The following ACSM2A variants were observed in gnomAD, a reference collection of about 807,000 sequenced individuals.
ACSM2A encodes acyl-coenzyme A synthetase ACSM2A, mitochondrial.
Under a neutral mutation model 76.6 loss-of-function variants are expected in ACSM2A, and 72 were observed. That is an observed-to-expected ratio of 0.94 (90% confidence interval 0.78 to 1.14). The LOEUF (loss-of-function observed/expected upper bound fraction) is 1.14, where lower values mean the gene tolerates loss of function less well. Among genes scored for constraint, ACSM2A ranks in the 50% most tolerant of loss-of-function variants. The probability of loss-of-function intolerance (pLI) is 0.00; values close to 1 mark genes in which losing one functional copy is unlikely to be tolerated. For synonymous variants in ACSM2A, 249 were observed against 255.9 expected (o/e 0.97, Z 0.26); for missense variants, 684 against 708.5 (o/e 0.97, Z 0.39).
At chr16:20,467,814 A>G (rs2013105549) in intron 3 of ACSM2A, among the ~76,000 whole-genome samples, 1 of 152,152 alleles carries the variant, frequency 6.6e-6, no homozygotes, top group African/African-American at 2.4e-5. Context: ...GGAGACAGAA[A>G]TTTGAGAATC....
chr16:20,471,206 A>T lies in ACSM2A; in HGVS notation c.730A>T (p.Met244Leu). ...CTCGAGCCTGGGCCTCAAGGCCAAG[A>T]TGGATGCTGGGTAAGCTGAGCTCTT... ...SYSSLGLKAK[M>L]DAGWTGLQAS... The change falls in exon 5 of 14, where the codon ATG becomes TTG. Residue 244 changes from methionine to leucine, a missense_variant. Physicochemically the swap from Met to Leu is conservative, Grantham distance 15 (BLOSUM62 2). Transcript: ENST00000573854. 1 of 1,610,146 alleles carries T rather than the reference A, an allele frequency of 6.2e-7. No individual in the cohort carries two copies. The highest frequency in any genetic ancestry group is 8.5e-7 in the Non-Finnish European group (1 of 1,177,502).
At chr16:20,474,430 C>T (rs925432376) in intron 6 of ACSM2A, among the ~76,000 whole-genome samples, 3 of 152,082 alleles carry the variant, frequency 2.0e-5, no homozygotes, top group East Asian at 1.9e-4. Flanking sequence ...TGTGATGCCC[C>T]GACCCTCCTT....
intron 10 of ACSM2A, among the ~76,000 whole-genome samples, chr16:20,479,225 G>C (rs1284393270): frequency 1.3e-5 from 2 of 151,902 alleles, no homozygotes; most frequent in Non-Finnish European, 2.9e-5. Flanking sequence ...ATTAGAAAGT[G>C]GACAGAGAAG....
intron 2 of ACSM2A, among the ~76,000 whole-genome samples, chr16:20,464,397 G>T (rs1177775487): frequency 1.3e-5 from 2 of 152,162 alleles, no homozygotes; most frequent in Non-Finnish European, 2.9e-5. Flanking sequence ...TTGGCCCAAA[G>T]TTCTGCACAG....
intron 2 of ACSM2A, 65 bp from the exon 3 acceptor site, chr16:20,465,452 T>G: frequency 6.3e-7 from 1 of 1,576,686 alleles, no homozygotes; most frequent in Non-Finnish European, 8.6e-7. Context: ...ATCCCAAGAC[T>G]TGGAATTTAT....
At chr16:20,471,792 C>G (rs1426290517) in intron 6 of ACSM2A, 103 bp downstream of exon 6, 1 of 1,536,432 alleles carries the variant, frequency 6.5e-7, no homozygotes, top group Non-Finnish European at 8.8e-7. Context: ...TTTGCTAAAC[C>G]CCTGCCATGT....
In ACSM2A at chr16:20,477,151, T is replaced by C; in HGVS notation, c.1099-218T>C. Reference sequence around the variant, plus strand: ...ATTGTTAGGTCCTCTTCCTGGGGAGTGGTAGATGGGTTGCTTCCTGAACTA... The same window carrying C: ...ATTGTTAGGTCCTCTTCCTGGGGAGCGGTAGATGGGTTGCTTCCTGAACTA... On this transcript the variant is annotated intron_variant, in intron 8 of 13. Coordinates refer to ENST00000573854, the MANE Select transcript of ACSM2A (RefSeq NM_001308172.2). 6 of 691,552 alleles carry C rather than the reference T, an allele frequency of 8.7e-6. No homozygotes were observed. In the South Asian group the frequency reaches 2.4e-4, roughly 27 times the overall value. 42.8% of individuals were successfully genotyped at this position (691,552 alleles called of 1,614,324 possible).
At chr16:20,486,466 G>A (rs2014387439) in intron 13 of ACSM2A, 108 bp from the exon 14 acceptor site, 1 of 1,246,824 alleles carries the variant, frequency 8.0e-7, no homozygotes, top group Non-Finnish European at 1.2e-6. Flanking sequence ...CAGCTGCCCT[G>A]AAGTGGCTCC....
chr16:20,468,018 G>T (rs2013120318), intron 3 of ACSM2A, among the ~76,000 whole-genome samples: 2 of 152,056 alleles, frequency 1.3e-5, no homozygotes, highest in Admixed American at 1.3e-4. Flanking sequence ...TAAAGAGAAA[G>T]ACATGAATGC....
At chr16:20,458,074 A>C (rs2012302123) in intron 1 of ACSM2A, among the ~76,000 whole-genome samples, 1 of 148,466 alleles carries the variant, frequency 6.7e-6, no homozygotes, top group African/African-American at 2.5e-5. Flanking sequence ...TAATAGCTGC[A>C]AAAAAAAAAT....
chr16:20,483,427 C>A (rs112576998), intron 13 of ACSM2A, among the ~76,000 whole-genome samples: 1 of 151,162 alleles, frequency 6.6e-6, no homozygotes, highest in African/African-American at 2.4e-5. Context: ...AAAATTAGCC[C>A]GGTGTAGTGG....
chr16:20,457,874 C>T (rs1044184814), intron 1 of ACSM2A, among the ~76,000 whole-genome samples: 1 of 152,088 alleles, frequency 6.6e-6, no homozygotes, highest in Non-Finnish European at 1.5e-5. Context: ...GGAAGTCATA[C>T]AGTAGCTGTT....
intron 5 of ACSM2A, 111 bp downstream of exon 5, chr16:20,471,327 C>T (rs1292304503): frequency 5.5e-5 from 83 of 1,517,558 alleles, no homozygotes; most frequent in Middle Eastern, 1.8e-4. Context: ...ACCTTCTGAA[C>T]ATTCATCTCC....
Position 20,466,224 on chromosome 16 carries a change from A to C in ACSM2A, c.388+497A>C, listed in dbSNP as rs529545096. On this transcript the variant is annotated intron_variant, in intron 3 of 13. Transcript: ENST00000573854. ...ATCCACAAAACCTAAAATATTTACT[A>C]TTTGGCCCTTTGCAGAAAAAGTTTG... Among the ~76,000 whole-genome samples, 5 of 152,238 alleles carry C rather than the reference A, an allele frequency of 3.3e-5. No individual in the cohort carries two copies. The East Asian group carries it at 9.6e-4, about 29-fold the overall frequency.
chr16:20,463,237 A>T (rs1383059733), intron 2 of ACSM2A, among the ~76,000 whole-genome samples: 1 of 151,564 alleles, frequency 6.6e-6, no homozygotes, highest in Non-Finnish European at 1.5e-5. Context: ...ATAATAATAA[A>T]AAAAGAAATA....
intron 10 of ACSM2A, among the ~76,000 whole-genome samples, chr16:20,480,122 T>C (rs189989008): frequency 8.5e-5 from 13 of 152,336 alleles, no homozygotes; most frequent in African/African-American, 3.1e-4. Flanking sequence ...TGTAGAAATA[T>C]GCACATTAGC....
chr16:20,467,239 T>G (rs2013055019), intron 3 of ACSM2A, among the ~76,000 whole-genome samples: 1 of 152,210 alleles, frequency 6.6e-6, no homozygotes, highest in Non-Finnish European at 1.5e-5. Flanking sequence ...AATGAACATG[T>G]AGAGGTGGCC....
chr16:20,464,471 G>T (rs2355909), intron 2 of ACSM2A, among the ~76,000 whole-genome samples: 1 of 152,100 alleles, frequency 6.6e-6, no homozygotes, highest in Non-Finnish European at 1.5e-5. Flanking sequence ...TACAGTAATG[G>T]TGGAAGATGA....
At position 20,487,140 on chromosome 16, in the gene ACSM2A, AAG is replaced by A. The variant is rs1283069398; in HGVS notation, c.*467_*468del. 1 of 151,676 alleles carries A rather than the reference AAG, an allele frequency of 6.6e-6. No individual in the cohort carries two copies. The highest frequency in any genetic ancestry group is 1.9e-4 in the East Asian group (1 of 5,196). The allele number at this position is 151,676 out of a possible 1,614,324, so 9.4% of individuals were successfully genotyped here. ...AAAGAGCAAAAGAACACAAGAAAGAAAGAGAGGGAGAAAGAGAGGGAGAAAGG... is the reference window on the plus strand; with the variant it reads ...AAAGAGCAAAAGAACACAAGAAAGAAAGAGGGAGAAAGAGAGGGAGAAAGG... On this transcript the variant is annotated 3_prime_UTR_variant, in exon 14 of 14. Coordinates refer to ENST00000573854, the MANE Select transcript of ACSM2A (RefSeq NM_001308172.2).
Sources: gnomAD v4.1 joint callset for allele counts (sites outside exome capture counted in the v4.1 genomes callset) on GRCh38, gnomAD v4.1.1 for gene constraint, MANE v1.5 for transcripts, NCBI Gene and HGNC (gene_info 2026-07-23, HGNC 2026-07-21) for gene names.